The following RWDD1 variants were observed in gnomAD, a reference collection of about 807,000 sequenced individuals.
RWDD1 encodes RWD domain-containing protein 1.
In RWDD1, 17 loss-of-function variants were observed where a neutral mutation model predicts 31.6. The observed-to-expected ratio is 0.54, with a 90% CI of 0.37 to 0.81. The LOEUF (loss-of-function observed/expected upper bound fraction) is 0.81, where lower values mean the gene tolerates loss of function less well. Among genes scored for constraint, RWDD1 ranks in the 30% least tolerant of loss-of-function variants. The pLI is 0.00. For synonymous variants in RWDD1, 78 were observed against 94.2 expected, an observed-to-expected ratio of 0.83 and a Z score of 0.99; for missense variants, 204 against 274.5, an observed-to-expected ratio of 0.74 and a Z score of 1.82.
chr6:116,587,563 T>C (rs1583334906), intron 3 of RWDD1, among the ~76,000 whole-genome samples: 1 of 152,126 alleles, frequency 6.6e-6, no homozygotes, highest in Non-Finnish European at 1.5e-5. Flanking sequence ...TTGGTCCTGA[T>C]TGGTTTGCGA....
At chr6:116,579,419 A>G (rs190896960) in intron 1 of RWDD1, among the ~76,000 whole-genome samples, 27 of 152,280 alleles carry the variant, frequency 1.8e-4, no homozygotes, top group African/African-American at 5.8e-4. Flanking sequence ...TTACTTTTCA[A>G]ATGGTTCTGA....
intron 2 of RWDD1, among the ~76,000 whole-genome samples, chr6:116,582,427 T>G (rs975420515): frequency 6.6e-6 from 1 of 152,100 alleles, no homozygotes; most frequent in African/African-American, 2.4e-5. Flanking sequence ...AGGAAGAAAC[T>G]AATTTGCCAC....
rs548524888 is a variant in RWDD1 at position 116,589,070 on chromosome 6, GT to G, written c.414+86del. The G allele has an allele frequency of 8.7e-4, 952 of 1,088,042 alleles. 6 individuals carry two copies. In the African/African-American group the frequency reaches 0.014, roughly 16 times the overall value. 67.4% of individuals were successfully genotyped at this position (1,088,042 alleles called of 1,614,324 possible). A position where few individuals can be genotyped will look rare whatever the true frequency, so the allele number is the denominator to read the frequency against. On this transcript the variant is annotated intron_variant, in intron 4 of 6. Transcript: ENST00000466444. ...TTGGGTTTTTTTTTAATCAATAGCA[GT>G]ATTTTTTTTGGAAATCACAAAAATA...
intron 3 of RWDD1, among the ~76,000 whole-genome samples, chr6:116,585,182 G>T (rs901351026): frequency 2.6e-5 from 4 of 152,054 alleles, no homozygotes; most frequent in African/African-American, 9.7e-5. Context: ...AGTCCCATAT[G>T]TAGCTACAAT....
intron 2 of RWDD1, among the ~76,000 whole-genome samples, chr6:116,583,708 G>GA (rs895471051): frequency 8.0e-5 from 12 of 149,582 alleles, no homozygotes; most frequent in Admixed American, 1.3e-4. Flanking sequence ...AAATAAAATG[G>GA]AAAAAAAAAT....
At chr6:116,592,949 A>AT (rs2243350) in intron 6 of RWDD1, 31 bp from the exon 7 acceptor site, 176,559 of 1,376,506 alleles carry the variant, frequency 0.13, 1,124 homozygotes, top group Admixed American at 0.2. Context: ...ACTAAAGGAG[A>AT]TTTTTTTTTT....
chr6:116,580,136 T>C, intron 1 of RWDD1, 159 bp from the exon 2 acceptor site: 1 of 393,242 alleles, frequency 2.5e-6, no homozygotes, highest in East Asian at 3.7e-5. Flanking sequence ...AAGTTGATGG[T>C]AATTTTATCA....
At chr6:116,572,349 C>G (rs1484428885) in intron 1 of RWDD1, 2 of 152,142 alleles carry the variant, frequency 1.3e-5, no homozygotes, top group Non-Finnish European at 2.9e-5. Flanking sequence ...CTGTACTGTC[C>G]GCCAGCGAGT....
At chr6:116,589,350 TA>T (rs1321010104) in intron 4 of RWDD1, among the ~76,000 whole-genome samples, 1 of 151,886 alleles carries the variant, frequency 6.6e-6, no homozygotes, top group Non-Finnish European at 1.5e-5. Context: ...GCTGATGAGC[TA>T]AAAAAAATTT....
intron 2 of RWDD1, among the ~76,000 whole-genome samples, chr6:116,583,533 TACAC>T (rs140684945): frequency 0.023 from 3,521 of 149,972 alleles, 68 homozygotes; most frequent in Middle Eastern, 0.1. Flanking sequence ...TCTCACCACA[TACAC>T]ACACACACAC....
At chr6:116,587,347 T>C (rs1775061004) in intron 3 of RWDD1, among the ~76,000 whole-genome samples, 1 of 152,086 alleles carries the variant, frequency 6.6e-6, no homozygotes, top group East Asian at 1.9e-4. Context: ...GGCCAGGAAA[T>C]AGAGTTGAAG....
rs1484537000 is a variant in RWDD1 at position 116,595,820 on chromosome 6, C to T, written c.*2719C>T. 1 of 152,188 alleles carries T rather than the reference C, an allele frequency of 6.6e-6. No individual in the cohort carries two copies. The highest frequency in any genetic ancestry group is 2.4e-5 in the African/African-American group (1 of 41,452). The allele number at this position is 152,188 out of a possible 1,614,324, so 9.4% of individuals were successfully genotyped here. On this transcript the variant is annotated 3_prime_UTR_variant, in exon 7 of 7. Transcript: ENST00000466444. ...TTCCTTGATCCTGCTTTACTTCATG[C>T]ACTTTTGCCAGCAGAGGTGGATGCC...
rs185852495 is a variant in RWDD1 at position 116,589,359 on chromosome 6, T to A, written c.414+374T>A. Reference sequence around the variant, plus strand: ...ACAATAGCTGATGAGCTAAAAAAAATTTGCAGCAAAAAAACATGTTTTAAG... The same window carrying A: ...ACAATAGCTGATGAGCTAAAAAAAAATTGCAGCAAAAAAACATGTTTTAAG... On this transcript the variant is annotated intron_variant, in intron 4 of 6. Transcript: ENST00000466444. 4.1e-3 allele frequency among the ~76,000 whole-genome samples: 626 copies of A among 152,162 alleles called. 2 individuals carry two copies. Among genetic ancestry groups the A allele is most frequent in the Middle Eastern group, 6.8e-3 (2 of 294 alleles).
At position 116,586,529 on chromosome 6, in the gene RWDD1, T is replaced by C. The variant is rs140756247; in HGVS notation, c.270+1672T>C. Among the ~76,000 whole-genome samples the C allele has an allele frequency of 2.3e-3, 344 of 152,308 alleles. 2 individuals carry two copies. Among genetic ancestry groups the C allele is most frequent in the African/African-American group, 7.9e-3 (329 of 41,570 alleles). ...GAATTTCATTGTATGTATATATAAT[T>C]ACTCATCTTTTTGTAAAACAGTTTA... On this transcript the variant is annotated intron_variant, in intron 3 of 6. Coordinates refer to ENST00000466444, the MANE Select transcript of RWDD1 (RefSeq NM_015952.4).
At chr6:116,571,688 C>T in intron 1 of RWDD1, 33 bp downstream of exon 1, 1 of 1,596,950 alleles carries the variant, frequency 6.3e-7, no homozygotes, top group Non-Finnish European at 8.6e-7. Flanking sequence ...TGTAGCCGCC[C>T]CGAGGTGGAG....
rs150647774 is a variant in RWDD1, at chr6:116,582,531, A to T, written c.139+2171A>T. ...TTGGCAGTTTTTAAGTATACAGTACATTATTCTTAGCTGTAGTAATAATGC... is the reference window on the plus strand; with the variant it reads ...TTGGCAGTTTTTAAGTATACAGTACTTTATTCTTAGCTGTAGTAATAATGC... On this transcript the variant is annotated intron_variant, in intron 2 of 6. Coordinates refer to ENST00000466444, the MANE Select transcript of RWDD1 (RefSeq NM_015952.4). Among the ~76,000 whole-genome samples, 497 of 152,226 alleles carry T rather than the reference A, an allele frequency of 3.3e-3. 13 individuals are homozygous for T. Among genetic ancestry groups the T allele is most frequent in the Admixed American group, 0.024 (369 of 15,294 alleles).
chr6:116,576,568 G>T lies in RWDD1; in HGVS notation c.74-3727G>T, dbSNP rs1422928799. On this transcript the variant is annotated intron_variant, in intron 1 of 6. Coordinates refer to ENST00000466444, the MANE Select transcript of RWDD1 (RefSeq NM_015952.4). ...CTGTTCTATCTGGCTCCCCAGGTCC[G>T]GTAGTTCACTGATATTCTTGCTGAC... Among the ~76,000 whole-genome samples, 5 of 152,138 alleles carry T rather than the reference G, an allele frequency of 3.3e-5. No individual in the cohort carries two copies. In the East Asian group the frequency reaches 9.6e-4, roughly 29 times the overall value.
chr6:116,585,844 G>C (rs1013582731), intron 3 of RWDD1, among the ~76,000 whole-genome samples: 1 of 151,896 alleles, frequency 6.6e-6, no homozygotes, highest in Non-Finnish European at 1.5e-5. Context: ...ACCCAGGCTG[G>C]AGGGCAGTGA....
chr6:116,589,057 T>G lies in RWDD1; in HGVS notation c.414+72T>G, dbSNP rs185879962. 6.2e-6 allele frequency: 7 copies of G among 1,136,528 alleles called. No homozygotes were observed. The African/African-American group carries it at 1.1e-4, about 18-fold the overall frequency. The allele number at this position is 1,136,528 out of a possible 1,614,324, so 70.4% of individuals were successfully genotyped here. ...TTCAGTTGCTTGGTTGGGTTTTTTT[T>G]TAATCAATAGCAGTATTTTTTTTGG... On this transcript the variant is annotated intron_variant, in intron 4 of 6. Transcript: ENST00000466444.
Sources: allele counts gnomAD v4.1 joint callset (sites outside exome capture counted in the v4.1 genomes callset), GRCh38; gene constraint gnomAD v4.1.1; transcripts MANE v1.5; gene names NCBI Gene and HGNC (gene_info 2026-07-23, HGNC 2026-07-21).